The following CFAP47 variants were observed in gnomAD, a reference collection of about 807,000 sequenced individuals.
CFAP47 encodes the protein cilia and flagella associated protein 47, also known as cilia- and flagella-associated protein 47.
In CFAP47, 29 loss-of-function variants were observed where a neutral mutation model predicts 148.1. The observed-to-expected ratio is 0.20, with a 90% CI of 0.15 to 0.27. The LOEUF (loss-of-function observed/expected upper bound fraction) is 0.27, where lower values mean the gene tolerates loss of function less well. Among genes scored for constraint, CFAP47 ranks in the 10% least tolerant of loss-of-function variants. The probability of loss-of-function intolerance (pLI) is 1.00; values close to 1 mark genes in which losing one functional copy is unlikely to be tolerated. For missense variants in CFAP47, 1,872 were observed against 1,697.5 expected (o/e 1.10, Z -1.81); for synonymous variants, 664 against 577.3 (o/e 1.15, Z -2.15).
rs984766542 is a variant in CFAP47 at position 36,338,343 on chromosome X, C to G, written c.8444-9786C>G. 1.4e-4 allele frequency among the ~76,000 whole-genome samples: 16 copies of G among 111,173 alleles called. No homozygotes were observed. The Admixed American group carries it at 1.5e-3, about 11-fold the overall frequency. Reference sequence around the variant, plus strand: ...ACAGCAAAACTATTTGAAAGCCTGACTGTATTTACTGCCCTCACTTCTTAT... The same window carrying G: ...ACAGCAAAACTATTTGAAAGCCTGAGTGTATTTACTGCCCTCACTTCTTAT... On this transcript the variant is annotated intron_variant, in intron 57 of 63. Transcript: ENST00000378653.
At chrX:36,232,337 C>G (rs5973617) in intron 46 of CFAP47, among the ~76,000 whole-genome samples, 3,199 of 111,598 alleles carry the variant, frequency 0.029, 43 homozygotes, top group Non-Finnish European at 0.043. Flanking sequence ...CTGGTTTAGT[C>G]TTGGGAGAGT....
intron 26 of CFAP47, among the ~76,000 whole-genome samples, chrX:36,063,663 T>G (rs1464449525): frequency 2.7e-5 from 3 of 112,210 alleles, no homozygotes; most frequent in Non-Finnish European, 5.6e-5. Context: ...CAAGTGATAG[T>G]GTTTTTTTGG....
chrX:36,024,974 T>C (rs1303539428), intron 22 of CFAP47, among the ~76,000 whole-genome samples: 1 of 111,289 alleles, frequency 9.0e-6, no homozygotes, highest in Non-Finnish European at 1.9e-5. Context: ...TTAATCTTAA[T>C]AGAATGTTTT....
rs782701298 is a variant in CFAP47, at chrX:36,371,632, A to G, written c.9185+4505A>G. On this transcript the variant is annotated intron_variant, in intron 62 of 63. Coordinates refer to ENST00000378653, the MANE Select transcript of CFAP47 (RefSeq NM_001304548.2). ...GTGTATATATGTGTAATATATGTGT[A>G]TATACACACATATGTGTATATATGT... Among the ~76,000 whole-genome samples, 30 of 88,037 alleles carry G rather than the reference A, an allele frequency of 3.4e-4. 1 individual carries two copies. The highest frequency in any genetic ancestry group is 5.8e-4 in the Non-Finnish European group (26 of 44,563). The allele number at this position is 88,037 out of a possible 115,157, so 76.4% of individuals were successfully genotyped here.
chrX:36,222,592 A>AT (rs1305830046), intron 45 of CFAP47, among the ~76,000 whole-genome samples: 3 of 110,175 alleles, frequency 2.7e-5, no homozygotes, highest in African/African-American at 6.6e-5. Context: ...TAGAAAATGG[A>AT]TTTTTTTCCT....
chrX:36,013,048 C>T (rs1476678894), intron 21 of CFAP47, among the ~76,000 whole-genome samples: 1 of 110,205 alleles, frequency 9.1e-6, no homozygotes, highest in African/African-American at 3.3e-5. Context: ...CCAGTTCTGA[C>T]AACACGGTTC....
At chrX:35,950,734 G>A (rs1269639859) in intron 4 of CFAP47, among the ~76,000 whole-genome samples, 1 of 111,577 alleles carries the variant, frequency 9.0e-6, no homozygotes, top group Admixed American at 9.6e-5. Context: ...ATGGGGATGA[G>A]ATAAGCTGTT....
chrX:35,932,390 G>T (rs772537522), intron 2 of CFAP47, among the ~76,000 whole-genome samples: 3 of 106,303 alleles, frequency 2.8e-5, no homozygotes, highest in Non-Finnish European at 5.8e-5. Flanking sequence ...CTCCTGAGTA[G>T]CTGGGATTAC....
intron 30 of CFAP47, 63 bp downstream of exon 30, chrX:36,085,601 CAGAT>C (rs1402876345): frequency 6.5e-6 from 4 of 617,631 alleles, no homozygotes; most frequent in Non-Finnish European, 1.0e-5. Flanking sequence ...GATAAATGAA[CAGAT>C]AGATAGACTT....
chrX:36,076,852 A>G (rs1937868101), intron 29 of CFAP47, among the ~76,000 whole-genome samples: 1 of 111,789 alleles, frequency 8.9e-6, no homozygotes, highest in Non-Finnish European at 1.9e-5. Context: ...GTTTTCCTCT[A>G]GAATTCTTAT....
At position 36,385,095 on chromosome X, in the gene CFAP47, T is replaced by C; in HGVS notation, c.*89T>C. 1.8e-6 allele frequency: 1 copy of C among 565,236 alleles called. No individual in the cohort carries two copies. The allele number at this position is 565,236 out of a possible 1,213,427, so 46.6% of individuals were successfully genotyped here. ...GGAATATTTCTGAGGAATAATGGTT[T>C]AATTATAATAGGCCTTCTATATTTC... is the stretch of plus-strand genomic sequence containing the variant. On this transcript the variant is annotated 3_prime_UTR_variant, in exon 64 of 64. Transcript: ENST00000378653.
intron 15 of CFAP47, among the ~76,000 whole-genome samples, chrX:35,985,597 C>T (rs181424383): frequency 9.0e-6 from 1 of 110,813 alleles, no homozygotes; most frequent in Non-Finnish European, 1.9e-5. Context: ...ATGATAAGGG[C>T]CCCCAGGAAG....
At chrX:36,001,326 C>T (rs767535153) in intron 20 of CFAP47, among the ~76,000 whole-genome samples, 27 of 111,442 alleles carry the variant, frequency 2.4e-4, no homozygotes, top group African/African-American at 8.8e-4. Flanking sequence ...GTTCCGGGAC[C>T]TAAGATTTAG....
chrX:36,175,954 T>C (rs1159824512), intron 39 of CFAP47, among the ~76,000 whole-genome samples: 1 of 112,624 alleles, frequency 8.9e-6, no homozygotes, highest in Non-Finnish European at 1.9e-5. Context: ...TCAGCGAGAC[T>C]CCGTGGGCGT....
At chrX:36,088,772 A>G (rs1209722930) in intron 30 of CFAP47, among the ~76,000 whole-genome samples, 1 of 111,500 alleles carries the variant, frequency 9.0e-6, no homozygotes, top group African/African-American at 3.3e-5. Context: ...ACTTGTTTAT[A>G]GTTATTATCA....
At chrX:35,968,942 C>G (rs1284730666) in intron 10 of CFAP47, among the ~76,000 whole-genome samples, 1 of 108,629 alleles carries the variant, frequency 9.2e-6, no homozygotes, top group Non-Finnish European at 1.9e-5. Flanking sequence ...TTTTTCAACT[C>G]TTTCTTAAGG....
intron 2 of CFAP47, among the ~76,000 whole-genome samples, chrX:35,926,929 G>A (rs1286750817): frequency 9.1e-6 from 1 of 109,844 alleles, no homozygotes; most frequent in South Asian, 3.9e-4. Context: ...TGGATCACTT[G>A]AGCTCAGGAG....
intron 35 of CFAP47, chrX:36,144,577 T>C (rs748173574): frequency 9.7e-6 from 10 of 1,027,270 alleles, no homozygotes; most frequent in Non-Finnish European, 1.0e-5. Flanking sequence ...CTGAGGGTGT[T>C]TCCAAAGGAG....
intron 49 of CFAP47, among the ~76,000 whole-genome samples, chrX:36,262,127 A>G (rs1940835972): frequency 1.8e-5 from 2 of 112,534 alleles, no homozygotes; most frequent in African/African-American, 3.2e-5. Context: ...TTTGTGGGGT[A>G]CATGAGATGT....
Sources: gnomAD v4.1 joint callset for allele counts (sites outside exome capture counted in the v4.1 genomes callset) on GRCh38, gnomAD v4.1.1 for gene constraint, MANE v1.5 for transcripts, NCBI Gene and HGNC (gene_info 2026-07-23, HGNC 2026-07-21) for gene names.